Variants in NHS observed in about 807,000 individuals in gnomAD.
NHS encodes the protein NHS actin remodeling regulator.
In NHS, 5 loss-of-function variants were observed where a neutral mutation model predicts 72.5. That is an observed-to-expected ratio of 0.07 (90% confidence interval 0.04 to 0.14). NHS has a LOEUF of 0.14. Among genes scored for constraint, NHS ranks in the 10% least tolerant of loss-of-function variants. The pLI is 1.00. For missense variants in NHS, 1,072 were observed against 1,355.7 expected, an observed-to-expected ratio of 0.79 and a Z score of 3.29; for synonymous variants, 464 against 547.7, an observed-to-expected ratio of 0.85 and a Z score of 2.13.
At chrX:17,414,601 G>A (rs904072797) in intron 1 of NHS, among the ~76,000 whole-genome samples, 1 of 111,786 alleles carries the variant, frequency 8.9e-6, no homozygotes, top group African/African-American at 3.3e-5. Context: ...GTTACTAGCA[G>A]TTTGCTCATT....
intron 1 of NHS, among the ~76,000 whole-genome samples, chrX:17,598,702 A>G (rs553744183): frequency 2.7e-5 from 3 of 111,841 alleles, no homozygotes; most frequent in African/African-American, 9.8e-5. Context: ...GTCTATATTC[A>G]CTGTATTGAC....
chrX:17,642,968 G>T (rs1284556553), intron 1 of NHS, among the ~76,000 whole-genome samples: 1 of 111,910 alleles, frequency 8.9e-6, no homozygotes, highest in Non-Finnish European at 1.9e-5. Context: ...GTTTGAGAGG[G>T]GCTTGTCCAT....
chrX:17,648,097 G>C, intron 1 of NHS, among the ~76,000 whole-genome samples: 1 of 111,701 alleles, frequency 9.0e-6, no homozygotes, highest in East Asian at 2.8e-4. Flanking sequence ...GCATTAGTTA[G>C]CCTTTTCTGC....
intron 3 of NHS, among the ~76,000 whole-genome samples, chrX:17,702,051 G>T (rs893437088): frequency 7.2e-5 from 8 of 111,157 alleles, no homozygotes; most frequent in Non-Finnish European, 1.3e-4. Context: ...GAGTGGGAGT[G>T]GGGTAGAAAG....
chrX:17,721,638 C>T lies in NHS; in HGVS notation c.1108+5C>T, dbSNP rs766606395. ...TTATTCCCATCAATGTTACTGGTAT[C>T]GTTCTGGTTTTTTCTTAGGGGCAGT... On this transcript the variant is annotated splice_donor_5th_base_variant and intron_variant, in intron 5 of 8. Coordinates refer to ENST00000676302, the MANE Select transcript of NHS (RefSeq NM_001291867.2). 4 of 1,201,746 alleles carry T rather than the reference C, an allele frequency of 3.3e-6. No homozygotes were observed. Among genetic ancestry groups the T allele is most frequent in the South Asian group, 1.8e-5 (1 of 55,834 alleles).
chrX:17,615,007 T>C (rs1456992756), intron 1 of NHS, among the ~76,000 whole-genome samples: 2 of 104,652 alleles, frequency 1.9e-5, no homozygotes, highest in African/African-American at 7.0e-5. Context: ...CACTATGCCT[T>C]TTGCATCTTC....
At chrX:17,456,436 A>AT (rs2146892874) in intron 1 of NHS, among the ~76,000 whole-genome samples, 1 of 112,047 alleles carries the variant, frequency 8.9e-6, no homozygotes, top group East Asian at 2.8e-4. Context: ...TTGAGCTGCT[A>AT]TTTTTTAATC....
At chrX:17,645,417 C>T (rs190927700) in intron 1 of NHS, among the ~76,000 whole-genome samples, 6 of 111,667 alleles carry the variant, frequency 5.4e-5, no homozygotes, top group Non-Finnish European at 9.4e-5. Context: ...AAATGAGCTT[C>T]GGAACACTTC....
In NHS at chrX:17,719,456, A is replaced by G; in HGVS notation, c.915+50A>G. ...CACGGCCCTATCCCACTCTGTCCAG[A>G]CACTCTTCCTTTTTTCCCTCTTTTA... is the stretch of plus-strand genomic sequence containing the variant. On this transcript the variant is annotated intron_variant, in intron 4 of 8. Coordinates refer to ENST00000676302, the MANE Select transcript of NHS (RefSeq NM_001291867.2). 5.4e-6 allele frequency: 5 copies of G among 931,559 alleles called. No homozygotes were observed. The Admixed American group carries it at 1.3e-4, about 24-fold the overall frequency. The allele number at this position is 931,559 out of a possible 1,213,427, so 76.8% of individuals were successfully genotyped here.
chrX:17,498,411 T>C lies in NHS; in HGVS notation c.565+122089T>C, dbSNP rs142702917. Among the ~76,000 whole-genome samples, 734 of 111,607 alleles carry C rather than the reference T, an allele frequency of 6.6e-3. 4 individuals carry two copies. The highest frequency in any genetic ancestry group is 0.022 in the African/African-American group (672 of 30,698). ...GTAAAAATTTTGCCTCGCCCAAAAG[T>C]CATGGAGTAGGAACCGTTCTCACAA... On this transcript the variant is annotated intron_variant, in intron 1 of 8. Transcript: ENST00000676302.
intron 1 of NHS, among the ~76,000 whole-genome samples, chrX:17,532,543 C>T (rs1236146675): frequency 9.0e-6 from 1 of 111,646 alleles, no homozygotes; most frequent in Non-Finnish European, 1.9e-5. Flanking sequence ...TGAAGGCTTC[C>T]TCCTTTACAA....
chrX:17,539,449 G>T (rs766529476), intron 1 of NHS, among the ~76,000 whole-genome samples: 1 of 110,548 alleles, frequency 9.0e-6, no homozygotes, highest in South Asian at 3.9e-4. Flanking sequence ...TCAGAGACCT[G>T]TGTCTGGTTC....
At chrX:17,642,188 C>T (rs1020776033) in intron 1 of NHS, among the ~76,000 whole-genome samples, 7 of 112,059 alleles carry the variant, frequency 6.2e-5, no homozygotes, top group African/African-American at 1.6e-4. Context: ...CCTCGTGATC[C>T]GCCCTCCTCG....
In NHS at chrX:17,466,056, G is replaced by A. The variant is rs756465778; in HGVS notation, c.565+89734G>A. Among the ~76,000 whole-genome samples, 4 of 113,333 alleles carry A rather than the reference G, an allele frequency of 3.5e-5. No homozygotes were observed. In the South Asian group the frequency reaches 1.4e-3, roughly 40 times the overall value. On this transcript the variant is annotated intron_variant, in intron 1 of 8. Transcript: ENST00000676302. Reference sequence around the variant, plus strand: ...TGCATGCATGTGCCTTCCTACAAATGCAAACAGAGCACAGATCACAGATGT... The same window carrying A: ...TGCATGCATGTGCCTTCCTACAAATACAAACAGAGCACAGATCACAGATGT...
intron 3 of NHS, 173 bp from the exon 4 acceptor site, chrX:17,719,168 AATG>A (rs1223941810): frequency 2.5e-6 from 1 of 395,443 alleles, no homozygotes; most frequent in African/African-American, 2.8e-5. Flanking sequence ...AGGAAGGAAT[AATG>A]AGAAGGAAGG....
At chrX:17,404,196 T>C (rs965157513) in intron 1 of NHS, among the ~76,000 whole-genome samples, 1 of 111,916 alleles carries the variant, frequency 8.9e-6, no homozygotes, top group African/African-American at 3.3e-5. Context: ...TAATTCCCTC[T>C]GGGCTTACTG....
intron 1 of NHS, among the ~76,000 whole-genome samples, chrX:17,633,174 C>G (rs1208899032): frequency 9.0e-6 from 1 of 111,700 alleles, no homozygotes; most frequent in African/African-American, 3.3e-5. Context: ...TAATCTACTC[C>G]TCATACTCTT....
intron 1 of NHS, among the ~76,000 whole-genome samples, chrX:17,442,257 T>G (rs994214585): frequency 7.1e-5 from 8 of 112,545 alleles, no homozygotes; most frequent in African/African-American, 2.6e-4. Context: ...CAGTGTGGGT[T>G]GATAGAAGAG....
intron 1 of NHS, among the ~76,000 whole-genome samples, chrX:17,431,314 C>A: frequency 9.0e-6 from 1 of 111,353 alleles, no homozygotes. Context: ...GAAATATGAC[C>A]CACTAGAGTG....
Sources: allele counts gnomAD v4.1 joint callset (sites outside exome capture counted in the v4.1 genomes callset), GRCh38; gene constraint gnomAD v4.1.1; transcripts MANE v1.5; gene names NCBI Gene and HGNC (gene_info 2026-07-23, HGNC 2026-07-21).